The following USH2A variants were observed in gnomAD, a reference collection of about 807,000 sequenced individuals.
The protein encoded by USH2A is Usher syndrome 2A (autosomal recessive, mild).
USH2A carries 443 observed loss-of-function variants against 538.9 expected under a neutral mutation model. The observed-to-expected ratio is 0.82, with a 90% CI of 0.76 to 0.89. The LOEUF (loss-of-function observed/expected upper bound fraction) is 0.89, where lower values mean the gene tolerates loss of function less well. Among genes scored for constraint, USH2A ranks in the 40% least tolerant of loss-of-function variants. The pLI is 0.00. For synonymous variants in USH2A, 2,413 were observed against 2,273.5 expected, an observed-to-expected ratio of 1.06 and a Z score of -1.75; for missense variants, 6,633 against 6,324.8, an observed-to-expected ratio of 1.05 and a Z score of -1.65.
rs1433577184 is a variant in USH2A at position 216,119,318 on chromosome 1, TTC to T, written c.4628-22107_4628-22106del. Among the ~76,000 whole-genome samples, 5 of 152,262 alleles carry T rather than the reference TTC, an allele frequency of 3.3e-5. No homozygotes were observed. The South Asian group carries it at 1.0e-3, about 32-fold the overall frequency. ...AAATGATTTTACCCACTGATGCATT[TTC>T]TCTCTGTTTCTAGGTCCTCCCTTTT... On this transcript the variant is annotated intron_variant, in intron 21 of 71. Coordinates refer to ENST00000307340, the MANE Select transcript of USH2A (RefSeq NM_206933.4).
At chr1:215,916,502 TCTC>T (rs1298666898) in intron 38 of USH2A, among the ~76,000 whole-genome samples, 1 of 152,200 alleles carries the variant, frequency 6.6e-6, no homozygotes, top group East Asian at 1.9e-4. Context: ...ACTGAAAACT[TCTC>T]CAACATTTCA....
chr1:216,193,511 G>T (rs1387881166), intron 19 of USH2A, among the ~76,000 whole-genome samples: 1 of 152,076 alleles, frequency 6.6e-6, no homozygotes, highest in Non-Finnish European at 1.5e-5. Context: ...GGATTGTATA[G>T]TGTCTCCCAA....
chr1:216,213,069 G>A (rs2035275729), intron 15 of USH2A, among the ~76,000 whole-genome samples: 1 of 152,036 alleles, frequency 6.6e-6, no homozygotes, highest in Non-Finnish European at 1.5e-5. Flanking sequence ...AACAGATAAT[G>A]TACAAGTCTT....
intron 9 of USH2A, among the ~76,000 whole-genome samples, chr1:216,305,866 T>G (rs1329811354): frequency 1.3e-5 from 2 of 152,216 alleles, no homozygotes; most frequent in Non-Finnish European, 2.9e-5. Context: ...GCAGGGTTTC[T>G]GCTGAGAAAT....
At chr1:215,831,118 A>C (rs1198002770) in intron 47 of USH2A, among the ~76,000 whole-genome samples, 1 of 152,190 alleles carries the variant, frequency 6.6e-6, no homozygotes, top group East Asian at 1.9e-4. Flanking sequence ...CAGGAAGTAA[A>C]AGGGCTTATC....
intron 3 of USH2A, among the ~76,000 whole-genome samples, chr1:216,403,048 A>G (rs1049679760): frequency 1.9e-4 from 29 of 152,258 alleles, no homozygotes; most frequent in African/African-American, 7.0e-4. Context: ...GCACTATATA[A>G]AAGGAATTGT....
intron 13 of USH2A, among the ~76,000 whole-genome samples, chr1:216,243,562 T>C (rs1265159692): frequency 6.6e-6 from 1 of 152,078 alleles, no homozygotes; most frequent in Non-Finnish European, 1.5e-5. Context: ...CTCTGATCAA[T>C]AGGATATGAG....
At chr1:216,366,900 T>C (rs987408936) in intron 3 of USH2A, among the ~76,000 whole-genome samples, 2 of 152,182 alleles carry the variant, frequency 1.3e-5, no homozygotes, top group Non-Finnish European at 2.9e-5. Flanking sequence ...GTTACTGTCA[T>C]TTGGTGTTTG....
At chr1:216,015,831 T>C (rs1337800213) in intron 32 of USH2A, among the ~76,000 whole-genome samples, 1 of 152,178 alleles carries the variant, frequency 6.6e-6, no homozygotes, top group Non-Finnish European at 1.5e-5. Flanking sequence ...GACCTAGCTA[T>C]CCCATTACTG....
chr1:216,160,686 A>G (rs867341412), intron 21 of USH2A, among the ~76,000 whole-genome samples: 21 of 152,184 alleles, frequency 1.4e-4, no homozygotes, highest in African/African-American at 4.8e-4. Flanking sequence ...TCAAAAATGC[A>G]TATTATATAG....
At chr1:215,994,486 A>T (rs920137537) in intron 34 of USH2A, among the ~76,000 whole-genome samples, 3 of 152,138 alleles carry the variant, frequency 2.0e-5, no homozygotes, top group Non-Finnish European at 4.4e-5. Flanking sequence ...ATGGTCAACA[A>T]ACATGGAAAT....
intron 48 of USH2A, among the ~76,000 whole-genome samples, chr1:215,815,460 A>G (rs1317672561): frequency 6.6e-6 from 1 of 151,928 alleles, no homozygotes; most frequent in African/African-American, 2.4e-5. Flanking sequence ...ATTGATTTAA[A>G]ATTAAACTAA....
At chr1:215,775,373 T>C (rs1661432437) in intron 55 of USH2A, among the ~76,000 whole-genome samples, 1 of 152,182 alleles carries the variant, frequency 6.6e-6, no homozygotes, top group Non-Finnish European at 1.5e-5. Context: ...TTTAGATACG[T>C]TTGACAGTGG....
chr1:216,361,220 T>A (rs569029511), intron 4 of USH2A, among the ~76,000 whole-genome samples: 1 of 152,158 alleles, frequency 6.6e-6, no homozygotes, highest in South Asian at 2.1e-4. Flanking sequence ...GGGACAAAAA[T>A]TTTGACCCCT....
At chr1:216,210,139 TC>T (rs1450852045) in intron 15 of USH2A, among the ~76,000 whole-genome samples, 2 of 151,838 alleles carry the variant, frequency 1.3e-5, no homozygotes, top group Admixed American at 1.3e-4. Flanking sequence ...CCCCACTCAG[TC>T]GATTAGTATG....
intron 21 of USH2A, among the ~76,000 whole-genome samples, chr1:216,171,375 C>G (rs1345938222): frequency 6.6e-6 from 1 of 151,852 alleles, no homozygotes; most frequent in African/African-American, 2.4e-5. Context: ...GTCCTCACCA[C>G]TAAGTCAATT....
intron 37 of USH2A, among the ~76,000 whole-genome samples, chr1:215,947,584 T>G (rs1666790124): frequency 6.6e-6 from 1 of 152,198 alleles, no homozygotes; most frequent in African/African-American, 2.4e-5. Context: ...GGTGAAACTT[T>G]TATTCACAGA....
At chr1:216,224,166 G>C (rs1255405202) in intron 14 of USH2A, among the ~76,000 whole-genome samples, 3 of 152,140 alleles carry the variant, frequency 2.0e-5, no homozygotes, top group Non-Finnish European at 4.4e-5. Context: ...GGGTTGTGAT[G>C]TGTGGTTGTT....
chr1:216,161,263 C>T (rs977659343), intron 21 of USH2A, among the ~76,000 whole-genome samples: 1 of 151,992 alleles, frequency 6.6e-6, no homozygotes, highest in Non-Finnish European at 1.5e-5. Flanking sequence ...TTGTTTCTGG[C>T]TTCTTCTTGC....
Sources: allele counts gnomAD v4.1 joint callset (sites outside exome capture counted in the v4.1 genomes callset), GRCh38; gene constraint gnomAD v4.1.1; transcripts MANE v1.5; gene names NCBI Gene and HGNC (gene_info 2026-07-23, HGNC 2026-07-21).